Variants in PAXIP1 observed in about 807,000 individuals in gnomAD.
The protein encoded by PAXIP1 is PAX interacting protein 1.
A neutral mutation model predicts 140.6 loss-of-function variants in PAXIP1; 19 were observed. The observed-to-expected ratio is 0.14, with a 90% CI of 0.09 to 0.20. The LOEUF (loss-of-function observed/expected upper bound fraction) is 0.20. Ranked by LOEUF, PAXIP1 falls within the 10% of genes least tolerant of loss-of-function variation. The pLI, the probability that PAXIP1 is intolerant of heterozygous loss-of-function variation, is 1.00. For missense variants in PAXIP1, 920 were observed against 1,208.6 expected (o/e 0.76, Z 3.54); for synonymous variants, 442 against 444.6 (o/e 0.99, Z 0.07).
In PAXIP1 at chr7:154,998,647, G is replaced by C. The variant is rs564499408; in HGVS notation, c.216+3C>G. On this transcript the variant is annotated splice_donor_region_variant and intron_variant, in intron 2 of 20. Coordinates refer to ENST00000404141, the MANE Select transcript of PAXIP1 (RefSeq NM_007349.4). ...TATAAAACAAATTATGTTTACTACT[G>C]ACCTTTACAACAGGTAAGTCAAAGA... 4.3e-6 allele frequency: 7 copies of C among 1,611,658 alleles called. No individual in the cohort carries two copies. Among genetic ancestry groups the C allele is most frequent in the Middle Eastern group, 1.7e-4 (1 of 6,054 alleles).
chr7:154,947,975 A>T lies in PAXIP1; in HGVS notation c.2850T>A (p.Ala950=). The T allele has an allele frequency of 6.2e-7, 1 of 1,613,300 alleles. No individual in the cohort carries two copies. Among genetic ancestry groups the T allele is most frequent in the Non-Finnish European group, 8.5e-7 (1 of 1,179,254 alleles). ...IDEQNYILRD[A]EAEVLFSFSL... The stretch of plus-strand genomic sequence containing the variant: ...TGAAAGAGAAAAGTACTTCTGCCTC[A>T]GCATCTCGGAGAATGTAGTTCTGCT... Residue 950 remains alanine, a synonymous_variant, in exon 17 of 21, where the codon GCT becomes GCA. Transcript: ENST00000404141.
At chr7:154,945,625 G>C (rs866545219) in intron 20 of PAXIP1, 1 of 982,752 alleles carries the variant, frequency 1.0e-6, no homozygotes, top group Non-Finnish European at 1.2e-6. Context: ...GAGAGGAGGA[G>C]CTCCAGCCTC....
intron 4 of PAXIP1, among the ~76,000 whole-genome samples, chr7:154,984,836 A>G (rs1563384090): frequency 6.6e-6 from 1 of 152,180 alleles, no homozygotes; most frequent in African/African-American, 2.4e-5. Flanking sequence ...AGATTTGCCT[A>G]TCTGTTCAGT....
chr7:154,982,906 T>G (rs1026019678), intron 5 of PAXIP1, among the ~76,000 whole-genome samples: 8 of 152,200 alleles, frequency 5.3e-5, no homozygotes, highest in African/African-American at 1.9e-4. Flanking sequence ...AAAAATACAT[T>G]TTTTTAACAA....
At position 155,002,837 on chromosome 7, in the gene PAXIP1, C is replaced by T. The variant is rs1369847953; in HGVS notation, c.81+12G>A. 4 of 1,350,102 alleles carry T rather than the reference C, an allele frequency of 3.0e-6. No individual in the cohort carries two copies. Among genetic ancestry groups the T allele is most frequent in the Admixed American group, 4.9e-5 (2 of 40,680 alleles). 83.6% of individuals were successfully genotyped at this position (1,350,102 alleles called of 1,614,324 possible). A position where few individuals can be genotyped will look rare whatever the true frequency, so the allele number is the denominator to read the frequency against. On this transcript the variant is annotated intron_variant, in intron 1 of 20. Transcript: ENST00000404141. ...ACGGGGGAGGAGGCCGCGGCAGGGG[C>T]GGGCGCGGTACCTGCGGGTCGATGT...
chr7:154,966,435 GC>G (rs1809026873), intron 8 of PAXIP1, among the ~76,000 whole-genome samples: 1 of 152,132 alleles, frequency 6.6e-6, no homozygotes, highest in South Asian at 2.1e-4. Flanking sequence ...CAGTTGCAAA[GC>G]TATTTTCTTT....
chr7:154,968,507 T>C lies in PAXIP1; in HGVS notation c.1694A>G (p.Gln565Arg). 1.1e-6 allele frequency: 1 copy of C among 880,646 alleles called. No homozygotes were observed. The highest frequency in any genetic ancestry group is 1.9e-6 in the Non-Finnish European group (1 of 533,904). The allele number at this position is 880,646 out of a possible 1,614,324, so 54.6% of individuals were successfully genotyped here. Residue 565 changes from glutamine to arginine, a missense_variant, in exon 7 of 21, where the codon CAG becomes CGG. By Grantham distance (43) the Gln-to-Arg change is conservative. Around this residue, in one of 5 missense-constraint regions of PAXIP1, gnomAD observed 133 missense variants for 88.4 expected, o/e 1.50. Transcript: ENST00000404141. Reference sequence around the variant, plus strand: ...GGGCTGCTGAGGTGGAACCTGATGCTGCAGCGCCTGTGACGTCTGACTCAA... The same window carrying C: ...GGGCTGCTGAGGTGGAACCTGATGCCGCAGCGCCTGTGACGTCTGACTCAA... ...PHLSQTSQAL[Q>R]HQVPPQQPPQ...
chr7:154,944,477 C>G (rs751636475), intron 20 of PAXIP1: 4 of 202,562 alleles, frequency 2.0e-5, no homozygotes, highest in Non-Finnish European at 4.0e-5. Context: ...CACACAACCC[C>G]CAAGAGCTGA....
At chr7:155,000,402 T>G (rs1810835750) in intron 1 of PAXIP1, 1 of 152,218 alleles carries the variant, frequency 6.6e-6, no homozygotes, top group African/African-American at 2.4e-5. Flanking sequence ...CTGTTTCTGA[T>G]CCTACTCCCT....
chr7:154,958,482 A>T (rs1483893130), intron 13 of PAXIP1, among the ~76,000 whole-genome samples: 1 of 152,242 alleles, frequency 6.6e-6, no homozygotes, highest in African/African-American at 2.4e-5. Context: ...ATATCTACAG[A>T]AAGCATTCAA....
At position 154,999,550 on chromosome 7, in the gene PAXIP1, G is replaced by A. The variant is rs1007332949; in HGVS notation, c.82-766C>T. On this transcript the variant is annotated intron_variant, in intron 1 of 20. Transcript: ENST00000404141. ...CATCCACTAAAGTGATGTCCTGATG[G>A]GCAGAAAGGAGGAAGATGTGAGAGA... 2.4e-4 allele frequency among the ~76,000 whole-genome samples: 36 copies of A among 152,154 alleles called. 3 individuals carry two copies. Among genetic ancestry groups the A allele is most frequent in the Non-Finnish European group, 1.2e-4 (8 of 68,030 alleles).
At chr7:154,971,777 T>G (rs4960654) in intron 6 of PAXIP1, among the ~76,000 whole-genome samples, 77,112 of 152,010 alleles carry the variant, frequency 0.51, 20,703 homozygotes, top group Middle Eastern at 0.63. Context: ...CCACTATAAA[T>G]TTGCAATTTA....
At chr7:154,950,283 A>C (rs1808216417) in intron 16 of PAXIP1, 1 of 145,322 alleles carries the variant, frequency 6.9e-6, no homozygotes, top group Non-Finnish European at 1.5e-5. Flanking sequence ...AAACTGACCC[A>C]AAAATGGAAC....
chr7:154,965,590 T>A (rs1374294135), intron 8 of PAXIP1: 10 of 152,266 alleles, frequency 6.6e-5, no homozygotes, highest in Admixed American at 3.3e-4. Flanking sequence ...CCACTCATCG[T>A]GAAAACGACG....
intron 6 of PAXIP1, among the ~76,000 whole-genome samples, chr7:154,969,733 A>C (rs1809209633): frequency 6.6e-6 from 1 of 152,158 alleles, no homozygotes; most frequent in Non-Finnish European, 1.5e-5. Flanking sequence ...TGAGTCCAAG[A>C]GCCTTTCGCT....
Position 154,976,030 on chromosome 7 carries a change from A to G in PAXIP1, c.740T>C (p.Leu247Ser). The G allele has an allele frequency of 2.5e-6, 4 of 1,610,626 alleles. No homozygotes were observed. Among genetic ancestry groups the G allele is most frequent in the Non-Finnish European group, 3.4e-6 (4 of 1,178,092 alleles). Reference protein sequence around the residue: ...KSNTEKSKGELMFDDSSDSSP... With the variant: ...KSNTEKSKGESMFDDSSDSSP... ...TGAATCTGAAGAATCATCAAACATT[A>G]ATTCCCCTTTAGATTTTTCAGTGTT... Residue 247 changes from leucine to serine, a missense_variant, in exon 6 of 21, where the codon TTA (leucine) becomes TCA (serine). Leu to Ser is a moderately radical substitution (Grantham distance 145). Transcript: ENST00000404141.
intron 16 of PAXIP1, chr7:154,950,252 G>A (rs974582184): frequency 1.1e-4 from 16 of 152,064 alleles, no homozygotes; most frequent in African/African-American, 3.9e-4. Context: ...GCTGGACACA[G>A]ACTTTACCCT....
chr7:154,986,294 G>T lies in PAXIP1; in HGVS notation c.325-2962C>A. The T allele has an allele frequency of 1.7e-6, 1 of 594,560 alleles. No homozygotes were observed. The allele number at this position is 594,560 out of a possible 1,614,324, so 36.8% of individuals were successfully genotyped here. ...TGTGTGTGCGCATGGGTGCTCCAGT[G>T]TGCAGAAAAGGTGCAGATCCCTCTG... On this transcript the variant is annotated intron_variant, in intron 4 of 20. Coordinates refer to ENST00000404141, the MANE Select transcript of PAXIP1 (RefSeq NM_007349.4). This position sits in a 1 kb window ranked among gnomAD's most constrained non-coding sequence, Gnocchi z 4.8.
intron 10 of PAXIP1, among the ~76,000 whole-genome samples, chr7:154,962,047 T>TG (rs1177904796): frequency 7.5e-4 from 115 of 152,354 alleles, no homozygotes; most frequent in African/African-American, 2.7e-3. Context: ...CCGCCTTTGG[T>TG]GCAAGACATC....
Sources: gnomAD v4.1 joint callset for allele counts (sites outside exome capture counted in the v4.1 genomes callset) on GRCh38, gnomAD v4.1.1 for gene constraint, gnomAD v4.1.1 regional missense constraint, Gnocchi (gnomAD v3.1) non-coding constraint, MANE v1.5 for transcripts, NCBI Gene and HGNC (gene_info 2026-07-23, HGNC 2026-07-21) for gene names.